BRINP1: variants seen among roughly 807,000 people sequenced by gnomAD.
BRINP1 encodes BMP/retinoic acid-inducible neural-specific protein 1.
BRINP1 carries 17 observed loss-of-function variants against 72.9 expected under a neutral mutation model. That is an observed-to-expected ratio of 0.23 (90% confidence interval 0.16 to 0.35). The LOEUF is 0.35. BRINP1 is among the 10% of genes least tolerant of loss of function. The pLI is 1.00. For synonymous variants in BRINP1, 418 were observed against 378.5 expected (o/e 1.10, Z -1.21); for missense variants, 850 against 1,001.6 (o/e 0.85, Z 2.04).
intron 7 of BRINP1, among the ~76,000 whole-genome samples, chr9:119,178,306 G>A (rs1829511877): frequency 6.6e-6 from 1 of 152,178 alleles, no homozygotes; most frequent in African/African-American, 2.4e-5. Context: ...CAGAGACAGT[G>A]GGGGCAGAGA....
At chr9:119,361,797 ATTTTTTTTTTTTT>A (rs869281749) in intron 1 of BRINP1, among the ~76,000 whole-genome samples, 17 of 64,478 alleles carry the variant, frequency 2.6e-4, no homozygotes, top group African/African-American at 1.1e-3. Flanking sequence ...CAGTTTTTGC[ATTTTTTTTTTTTT>A]TTTTTTTTTT....
At chr9:119,360,083 T>C (rs896862515) in intron 1 of BRINP1, among the ~76,000 whole-genome samples, 3 of 152,196 alleles carry the variant, frequency 2.0e-5, no homozygotes, top group Non-Finnish European at 4.4e-5. Flanking sequence ...ACTTTCAATG[T>C]TGTTGTCCTA....
chr9:119,271,432 T>C (rs916085003), intron 2 of BRINP1, among the ~76,000 whole-genome samples: 8 of 152,170 alleles, frequency 5.3e-5, no homozygotes, highest in Non-Finnish European at 8.8e-5. Context: ...GATTATATTA[T>C]GCAACTATCA....
intron 1 of BRINP1, among the ~76,000 whole-genome samples, chr9:119,348,723 G>A (rs544072484): frequency 6.6e-6 from 1 of 152,152 alleles, no homozygotes; most frequent in African/African-American, 2.4e-5. Context: ...TATGACCCTA[G>A]GTCAACACTT....
intron 2 of BRINP1, among the ~76,000 whole-genome samples, chr9:119,311,037 T>C (rs1223657396): frequency 6.6e-6 from 1 of 152,210 alleles, no homozygotes; most frequent in Non-Finnish European, 1.5e-5. Flanking sequence ...GTGGTATTTA[T>C]GATTTCCCAG....
At chr9:119,362,069 C>T (rs1252754483) in intron 1 of BRINP1, among the ~76,000 whole-genome samples, 7 of 150,302 alleles carry the variant, frequency 4.7e-5, no homozygotes, top group African/African-American at 1.5e-4. Flanking sequence ...CCAACCCCTC[C>T]GCCCTCCCAA....
chr9:119,261,312 T>G (rs1830492396), intron 2 of BRINP1, among the ~76,000 whole-genome samples: 1 of 152,210 alleles, frequency 6.6e-6, no homozygotes, highest in Admixed American at 6.5e-5. Flanking sequence ...TCTGGATACC[T>G]AGGTGAATTG....
At chr9:119,278,611 T>A (rs79984517) in intron 2 of BRINP1, among the ~76,000 whole-genome samples, 1 of 152,170 alleles carries the variant, frequency 6.6e-6, no homozygotes, top group African/African-American at 2.4e-5. Context: ...TTAAAGCAGC[T>A]GGGCGCGGTG....
At chr9:119,214,311 G>GT (rs1829957766) in intron 5 of BRINP1, among the ~76,000 whole-genome samples, 156 bp from the exon 6 acceptor site, 1 of 152,188 alleles carries the variant, frequency 6.6e-6, no homozygotes, top group Admixed American at 6.5e-5. Flanking sequence ...TCCAGACAGG[G>GT]TATTATTGGT....
intron 1 of BRINP1, among the ~76,000 whole-genome samples, chr9:119,351,902 C>T (rs112944766): frequency 1.5e-4 from 22 of 151,632 alleles, no homozygotes; most frequent in African/African-American, 4.4e-4. Flanking sequence ...CTGAAACCTC[C>T]GCCTCCTGGG....
chr9:119,218,416 T>G (rs1830003612), intron 5 of BRINP1, among the ~76,000 whole-genome samples: 1 of 151,940 alleles, frequency 6.6e-6, no homozygotes, highest in African/African-American at 2.4e-5. Context: ...GTGCTGGGAT[T>G]ACAGGCATAA....
chr9:119,326,461 T>TTTTGTAA, intron 1 of BRINP1, among the ~76,000 whole-genome samples: 1 of 152,336 alleles, frequency 6.6e-6, no homozygotes, highest in African/African-American at 2.4e-5. Flanking sequence ...GAATAATTAT[T>TTTTGTAA]TTTGTAATTT....
chr9:119,179,424 T>C (rs1477234795), intron 7 of BRINP1, among the ~76,000 whole-genome samples: 1 of 152,272 alleles, frequency 6.6e-6, no homozygotes, highest in East Asian at 1.9e-4. Context: ...TGGAGCCTGA[T>C]TGATTGATAG....
At chr9:119,248,724 G>T (rs185229959) in intron 3 of BRINP1, among the ~76,000 whole-genome samples, 6 of 152,314 alleles carry the variant, frequency 3.9e-5, no homozygotes, top group Non-Finnish European at 8.8e-5. Context: ...AGGTTAAGCC[G>T]TATTTTCAGA....
chr9:119,288,944 G>A (rs1830795598), intron 2 of BRINP1, among the ~76,000 whole-genome samples: 1 of 152,180 alleles, frequency 6.6e-6, no homozygotes, highest in Non-Finnish European at 1.5e-5. Context: ...GGGATTACAG[G>A]CATGTGCCGC....
intron 2 of BRINP1, among the ~76,000 whole-genome samples, chr9:119,256,816 A>G (rs1034037362): frequency 6.6e-6 from 1 of 152,152 alleles, no homozygotes; most frequent in Non-Finnish European, 1.5e-5. Context: ...CATTGTTTTT[A>G]GATAATCAAG....
intron 6 of BRINP1, among the ~76,000 whole-genome samples, chr9:119,212,124 T>C (rs1829935119): frequency 1.3e-5 from 2 of 152,210 alleles, no homozygotes; most frequent in African/African-American, 2.4e-5. Flanking sequence ...TTTTCTCTTT[T>C]ATGGGCTCCC....
intron 5 of BRINP1, among the ~76,000 whole-genome samples, chr9:119,218,618 C>T (rs910328405): frequency 3.3e-4 from 50 of 151,956 alleles, no homozygotes; most frequent in Admixed American, 3.3e-3. Flanking sequence ...GTAACAGAAC[C>T]AGGACTCCAA....
rs978275697 is a variant in BRINP1 at position 119,368,958 on chromosome 9, G to C, written c.-51+98C>G. On this transcript the variant is annotated intron_variant, in intron 1 of 7. Coordinates refer to ENST00000265922, the MANE Select transcript of BRINP1 (RefSeq NM_014618.3). The surrounding 1 kb of genome is among the most constrained non-coding windows in gnomAD (Gnocchi z 4.7). Reference sequence around the variant, plus strand: ...GAAGAGCGGACAAGGGTGCCGGTAGGGGGAGGGGCAGAGGAGCGCGGGGAC... The same window carrying C: ...GAAGAGCGGACAAGGGTGCCGGTAGCGGGAGGGGCAGAGGAGCGCGGGGAC... The C allele has an allele frequency of 2.0e-4, 79 of 387,624 alleles. 1 individual carries two copies. Among genetic ancestry groups the C allele is most frequent in the Non-Finnish European group, 3.2e-4 (71 of 219,446 alleles). The allele number at this position is 387,624 out of a possible 1,614,324, so 24.0% of individuals were successfully genotyped here. A position where few individuals can be genotyped will look rare whatever the true frequency, so the allele number is the denominator to read the frequency against.
Sources: allele counts gnomAD v4.1 joint callset (sites outside exome capture counted in the v4.1 genomes callset), GRCh38; gene constraint gnomAD v4.1.1; non-coding constraint Gnocchi (gnomAD v3.1); transcripts MANE v1.5; gene names NCBI Gene and HGNC (gene_info 2026-07-23, HGNC 2026-07-21).